Variants in OTUD7A observed in about 807,000 individuals in gnomAD.
OTUD7A encodes OTU deubiquitinase 7A.
A neutral mutation model predicts 65.7 loss-of-function variants in OTUD7A; 12 were observed. That is an observed-to-expected ratio of 0.18 (90% CI 0.12 to 0.30). The LOEUF is 0.30. Ranked by LOEUF, OTUD7A falls within the 10% of genes least tolerant of loss-of-function variation. The pLI, the probability that OTUD7A is intolerant of heterozygous loss-of-function variation, is 1.00. For synonymous variants in OTUD7A, 641 were observed against 586.3 expected (o/e 1.09, Z -1.35); for missense variants, 1,148 against 1,304.8 (o/e 0.88, Z 1.85).
At chr15:31,676,989 T>C (rs928744361) in intron 1 of OTUD7A, among the ~76,000 whole-genome samples, 7 of 152,246 alleles carry the variant, frequency 4.6e-5, no homozygotes, top group African/African-American at 1.7e-4. Flanking sequence ...ATGTTGACCA[T>C]GGCCCTTGCC....
chr15:31,586,963 T>C (rs1272564070), intron 3 of OTUD7A, among the ~76,000 whole-genome samples: 1 of 152,112 alleles, frequency 6.6e-6, no homozygotes, highest in Non-Finnish European at 1.5e-5. Flanking sequence ...GGCTGCTCGC[T>C]GTGAGTGCCA....
At chr15:31,493,056 A>G (rs142323310) in intron 10 of OTUD7A, among the ~76,000 whole-genome samples, 7,178 of 152,056 alleles carry the variant, frequency 0.047, 564 homozygotes, top group African/African-American at 0.16. Flanking sequence ...AAATACAAAA[A>G]TTAGCTGGGC....
intron 8 of OTUD7A, among the ~76,000 whole-genome samples, chr15:31,521,063 TG>T (rs2041930216): frequency 2.0e-5 from 3 of 152,192 alleles, no homozygotes; most frequent in Admixed American, 1.3e-4. Flanking sequence ...CACTTATAGC[TG>T]GGGGCTAAAC....
intron 8 of OTUD7A, among the ~76,000 whole-genome samples, chr15:31,510,561 C>T (rs62004092): frequency 0.41 from 23,558 of 57,238 alleles, 4,980 homozygotes; most frequent in African/African-American, 0.62. Flanking sequence ...ATGTAACATA[C>T]ATATGTATAT....
intron 1 of OTUD7A, among the ~76,000 whole-genome samples, chr15:31,849,015 A>AAT (rs1328198092): frequency 1.3e-5 from 2 of 152,210 alleles, no homozygotes; most frequent in African/African-American, 2.4e-5. Flanking sequence ...TCTGGGTTGA[A>AAT]ATTAAGAATG....
chr15:31,499,925 G>A (rs1412824230), intron 10 of OTUD7A, among the ~76,000 whole-genome samples: 1 of 152,228 alleles, frequency 6.6e-6, no homozygotes, highest in African/African-American at 2.4e-5. Flanking sequence ...CCCTCCATGG[G>A]CATCCTTTGA....
intron 1 of OTUD7A, among the ~76,000 whole-genome samples, chr15:31,666,398 A>G (rs976694723): frequency 2.0e-5 from 3 of 151,996 alleles, no homozygotes; most frequent in African/African-American, 7.3e-5. Context: ...TTTCTAGTTT[A>G]TGTGTGTAAA....
At chr15:31,511,073 GTATATCTATATGTAACATACA>G in intron 8 of OTUD7A, among the ~76,000 whole-genome samples, 1 of 68,910 alleles carries the variant, frequency 1.5e-5, no homozygotes, top group Non-Finnish European at 2.6e-5. Flanking sequence ...ACATATATAT[GTATATCTATATGTAACATACA>G]TATGTATATC....
intron 3 of OTUD7A, among the ~76,000 whole-genome samples, chr15:31,633,000 C>T (rs111691830): frequency 3.0e-4 from 45 of 152,114 alleles, no homozygotes; most frequent in African/African-American, 8.7e-4. Context: ...TGGAGTGAAC[C>T]GATTTTCCAG....
chr15:31,513,253 C>G (rs890023951), intron 8 of OTUD7A, among the ~76,000 whole-genome samples: 1 of 152,244 alleles, frequency 6.6e-6, no homozygotes, highest in Non-Finnish European at 1.5e-5. Flanking sequence ...GTAAAAAGAG[C>G]TTTTGTTTCC....
At chr15:31,788,681 G>A (rs1396658283) in intron 1 of OTUD7A, among the ~76,000 whole-genome samples, 1 of 152,196 alleles carries the variant, frequency 6.6e-6, no homozygotes, top group Non-Finnish European at 1.5e-5. Flanking sequence ...GCTGCAGGAG[G>A]TGGAAGGGCC....
At chr15:31,531,378 C>T (rs1332171157) in intron 5 of OTUD7A, among the ~76,000 whole-genome samples, 3 of 151,970 alleles carry the variant, frequency 2.0e-5, no homozygotes, top group Non-Finnish European at 4.4e-5. Flanking sequence ...TTAGAAGACT[C>T]TGAAAAGTGG....
At chr15:31,864,415 G>C (rs750140237) in intron 1 of OTUD7A, among the ~76,000 whole-genome samples, 1 of 152,154 alleles carries the variant, frequency 6.6e-6, no homozygotes, top group Admixed American at 6.5e-5. Context: ...AGTTCCACAC[G>C]GCTGGGGAGA....
chr15:31,634,713 G>C (rs1364992034), intron 3 of OTUD7A, among the ~76,000 whole-genome samples: 9 of 152,264 alleles, frequency 5.9e-5, no homozygotes, highest in African/African-American at 1.4e-4. Context: ...CGATGACAGC[G>C]ATGGAGTCCC....
rs1428411697 is a variant in OTUD7A at position 31,510,565 on chromosome 15, T to C, written c.894-6747A>G. On this transcript the variant is annotated intron_variant, in intron 8 of 12. Coordinates refer to ENST00000307050, the MANE Select transcript of OTUD7A (RefSeq NM_001382637.1). ...TGTATATCTATATGTAACATACATATGTATATCTATATGTAACATACATAT... is the reference window on the plus strand; with the variant it reads ...TGTATATCTATATGTAACATACATACGTATATCTATATGTAACATACATAT... Among the ~76,000 whole-genome samples, 21 of 118,788 alleles carry C rather than the reference T, an allele frequency of 1.8e-4. 1 individual carries two copies. Among genetic ancestry groups the C allele is most frequent in the African/African-American group, 6.2e-4 (20 of 32,248 alleles). 77.9% of individuals were successfully genotyped at this position (118,788 alleles called of 152,430 possible). A position where few individuals can be genotyped will look rare whatever the true frequency, so the allele number is the denominator to read the frequency against.
intron 3 of OTUD7A, among the ~76,000 whole-genome samples, chr15:31,646,953 C>T (rs1891692226): frequency 1.3e-5 from 2 of 152,310 alleles, no homozygotes; most frequent in East Asian, 3.9e-4. Context: ...TTTAAATACA[C>T]TCATCTCTCT....
At chr15:31,756,828 G>C (rs994434131) in intron 1 of OTUD7A, among the ~76,000 whole-genome samples, 1 of 152,148 alleles carries the variant, frequency 6.6e-6, no homozygotes, top group African/African-American at 2.4e-5. Flanking sequence ...ACCAGCTACT[G>C]CGGACCTAAC....
chr15:31,572,284 A>C (rs1889078147), intron 3 of OTUD7A, among the ~76,000 whole-genome samples: 1 of 152,060 alleles, frequency 6.6e-6, no homozygotes, highest in African/African-American at 2.4e-5. Context: ...GTATTTGCTT[A>C]CTCTGTTTCT....
At chr15:31,788,620 TGG>T (rs1895735742) in intron 1 of OTUD7A, among the ~76,000 whole-genome samples, 1 of 152,092 alleles carries the variant, frequency 6.6e-6, no homozygotes, top group African/African-American at 2.4e-5. Flanking sequence ...TAGTTGCAGG[TGG>T]GGATTGTGTT....
Sources: allele counts gnomAD v4.1 joint callset (sites outside exome capture counted in the v4.1 genomes callset), GRCh38; gene constraint gnomAD v4.1.1; transcripts MANE v1.5; gene names NCBI Gene and HGNC (gene_info 2026-07-23, HGNC 2026-07-21).